FNTB: variants seen among roughly 807,000 people sequenced by gnomAD.
FNTB encodes the protein farnesyltransferase, CAAX box, subunit beta.
A neutral mutation model predicts 59.4 loss-of-function variants in FNTB; 27 were observed. The ratio of observed to expected loss-of-function variants is 0.45; its 90% CI spans 0.34 to 0.63. The LOEUF is 0.63. Ranked by LOEUF, FNTB falls within the 20% of genes least tolerant of loss-of-function variation. FNTB has a pLI of 0.02. For missense variants in FNTB, 449 were observed against 559.6 expected (o/e 0.80, Z 1.99); for synonymous variants, 230 against 220.7 (o/e 1.04, Z -0.37).
At chr14:64,993,707 C>T (rs79210754) in intron 1 of FNTB, among the ~76,000 whole-genome samples, 1 of 152,054 alleles carries the variant, frequency 6.6e-6, no homozygotes, top group Non-Finnish European at 1.5e-5. Context: ...GTGATAGTGC[C>T]TGGTATGAAA....
At chr14:65,002,858 G>T (rs754367792) in intron 1 of FNTB, among the ~76,000 whole-genome samples, 17 of 152,176 alleles carry the variant, frequency 1.1e-4, no homozygotes, top group Admixed American at 2.6e-4. Context: ...GGCAGATCCT[G>T]TTCCTTTGTG....
rs1384119164 is a variant in FNTB, at chr14:65,054,413, G to C, written c.1068-162G>C. Among the ~76,000 whole-genome samples, 1 of 151,618 alleles carries C rather than the reference G, an allele frequency of 6.6e-6. No individual in the cohort carries two copies. Among genetic ancestry groups the C allele is most frequent in the South Asian group, 2.1e-4 (1 of 4,814 alleles). On this transcript the variant is annotated intron_variant, in intron 10 of 11. Coordinates refer to ENST00000246166, the MANE Select transcript of FNTB (RefSeq NM_002028.4). The surrounding 1 kb of genome is among the most constrained non-coding windows in gnomAD (Gnocchi z 4.4). ...GTGTGAGCCACTGTGCTCAGCCAGTGGGGCTTTAAATAACACTGCTGGGAA... is the reference window on the plus strand; with the variant it reads ...GTGTGAGCCACTGTGCTCAGCCAGTCGGGCTTTAAATAACACTGCTGGGAA...
At chr14:65,040,704 CTT>C in intron 7 of FNTB, 84 bp from the exon 8 acceptor site, 1 of 1,325,456 alleles carries the variant, frequency 7.5e-7, no homozygotes, top group Non-Finnish European at 9.9e-7. Flanking sequence ...TCTGAGTGAA[CTT>C]TTTCTCTGCC....
chr14:65,000,252 T>C (rs1293369236), intron 1 of FNTB, among the ~76,000 whole-genome samples: 1 of 152,214 alleles, frequency 6.6e-6, no homozygotes, highest in Non-Finnish European at 1.5e-5. Flanking sequence ...AACAGTACAG[T>C]TGGTCTTCCA....
At chr14:65,019,087 C>CCTA (rs2061837172) in intron 4 of FNTB, among the ~76,000 whole-genome samples, 8 of 152,090 alleles carry the variant, frequency 5.3e-5, no homozygotes, top group Admixed American at 4.6e-4. Flanking sequence ...GCAGGAGACT[C>CCTA]GCTTGAACCC....
chr14:64,987,416 C>G (rs568187129), intron 1 of FNTB: 2 of 420,236 alleles, frequency 4.8e-6, no homozygotes, highest in Non-Finnish European at 8.9e-6. Context: ...GTCGGACAGC[C>G]CACTCTGTTC....
At position 65,011,283 on chromosome 14, in the gene FNTB, G is replaced by T. The variant is rs1457454830; in HGVS notation, c.210-1034G>T. ...GTCTCCACTAAAAATACAAAAATTA[G>T]CTGGGTGTGGTGGCACGTGCCTGTA... On this transcript the variant is annotated intron_variant, in intron 2 of 11. Coordinates refer to ENST00000246166, the MANE Select transcript of FNTB (RefSeq NM_002028.4). The surrounding 1 kb of genome is among the most constrained non-coding windows in gnomAD (Gnocchi z 4.0). 6.6e-6 allele frequency among the ~76,000 whole-genome samples: 1 copy of T among 152,156 alleles called. No individual in the cohort carries two copies. Among genetic ancestry groups the T allele is most frequent in the African/African-American group, 2.4e-5 (1 of 41,424 alleles).
At chr14:64,988,952 C>G (rs1028011663) in intron 1 of FNTB, among the ~76,000 whole-genome samples, 3 of 151,944 alleles carry the variant, frequency 2.0e-5, no homozygotes, top group Non-Finnish European at 4.4e-5. Context: ...TAAATGCTCT[C>G]CATATGTGGT....
chr14:65,012,194 T>A lies in FNTB; in HGVS notation c.210-123T>A. The A allele has an allele frequency of 1.7e-6, 2 of 1,179,418 alleles. No homozygotes were observed. Among genetic ancestry groups the A allele is most frequent in the Admixed American group, 2.0e-5 (1 of 48,828 alleles). The allele number at this position is 1,179,418 out of a possible 1,614,324, so 73.1% of individuals were successfully genotyped here. ...ACCAGAGAAGTTGCTGGTTATCCAG[T>A]CAGTGATTGCAGGGGGACGTCCTGA... On this transcript the variant is annotated intron_variant, in intron 2 of 11. Transcript: ENST00000246166. This position sits in a 1 kb window ranked among gnomAD's most constrained non-coding sequence, Gnocchi z 5.0.
chr14:65,054,652 T>C lies in FNTB; in HGVS notation c.1145T>C (p.Leu382Ser). 6.2e-7 allele frequency: 1 copy of C among 1,613,488 alleles called. No homozygotes were observed. Among genetic ancestry groups the C allele is most frequent in the Non-Finnish European group, 8.5e-7 (1 of 1,179,746 alleles). Reference protein sequence around the residue: ...IAQHFGSGAMLHDVVLGVPEN... With the variant: ...IAQHFGSGAMSHDVVLGVPEN... ...CAGCACTTCGGCAGCGGAGCCATGT[T>C]GCATGATGTGGTCCTGGGTGTGCCC... Residue 382 changes from leucine to serine, a missense_variant, in exon 11 of 12, where the codon TTG (leucine) becomes TCG (serine). Leu to Ser is a moderately radical substitution (Grantham distance 145). Around this residue, in one of 2 missense-constraint regions of FNTB, gnomAD observed 337 missense variants for 479.1 expected, o/e 0.70. Transcript: ENST00000246166. This position sits in a 1 kb window ranked among gnomAD's most constrained non-coding sequence, Gnocchi z 4.4.
At chr14:65,034,169 G>A (rs1283886447) in intron 7 of FNTB, among the ~76,000 whole-genome samples, 1 of 152,104 alleles carries the variant, frequency 6.6e-6, no homozygotes, top group South Asian at 2.1e-4. Context: ...CTGTGCACAC[G>A]TGCGTTTTGA....
intron 4 of FNTB, among the ~76,000 whole-genome samples, chr14:65,020,506 A>T (rs1595036870): frequency 6.6e-6 from 1 of 151,540 alleles, no homozygotes; most frequent in Non-Finnish European, 1.5e-5. Context: ...GCTCACTGCA[A>T]CCTCCACCTC....
At chr14:65,034,583 A>C (rs1372989354) in intron 7 of FNTB, among the ~76,000 whole-genome samples, 1 of 152,202 alleles carries the variant, frequency 6.6e-6, no homozygotes, top group African/African-American at 2.4e-5. Context: ...GAGGACTGTC[A>C]TGCTCAATGG....
intron 10 of FNTB, among the ~76,000 whole-genome samples, chr14:65,053,625 T>TAAAAAAAAAAAAAAA (rs201558638): frequency 2.5e-4 from 37 of 146,258 alleles, no homozygotes; most frequent in Admixed American, 6.7e-4. Flanking sequence ...CTTCTTTTTT[T>TAAAAAAAAAAAAAAA]TAAAAAAAAC....
At chr14:65,060,573 G>T (rs1322391821) in intron 11 of FNTB, among the ~76,000 whole-genome samples, 2 of 125,940 alleles carry the variant, frequency 1.6e-5, no homozygotes, top group East Asian at 2.3e-4. Flanking sequence ...GCGGGCGCCT[G>T]TAGTCCCAGC....
At position 65,027,841 on chromosome 14, in the gene FNTB, G is replaced by A; in HGVS notation, c.605+60G>A. On this transcript the variant is annotated intron_variant, in intron 6 of 11. Coordinates refer to ENST00000246166, the MANE Select transcript of FNTB (RefSeq NM_002028.4). The surrounding 1 kb of genome is among the most constrained non-coding windows in gnomAD (Gnocchi z 5.7). The stretch of plus-strand genomic sequence containing the variant: ...TGACTCTAGAGCTCATCTGCCATTA[G>A]AGATGCCAAGCCTAAGGAACATCAT... 1 of 1,606,240 alleles carries A rather than the reference G, an allele frequency of 6.2e-7. No individual in the cohort carries two copies. The highest frequency in any genetic ancestry group is 8.5e-7 in the Non-Finnish European group (1 of 1,175,062).
In FNTB at chr14:64,987,261, C is replaced by A. The variant is rs1887984499; in HGVS notation, c.144+164C>A. On this transcript the variant is annotated intron_variant, in intron 1 of 11. Coordinates refer to ENST00000246166, the MANE Select transcript of FNTB (RefSeq NM_002028.4). ...GCTCCGGGCGCCCAGGCTTGGGCTT[C>A]GTCGTGGAGCGTTTGCGCGGCCAGC... The A allele has an allele frequency of 8.8e-5, 68 of 774,658 alleles. No homozygotes were observed. In the South Asian group the frequency reaches 1.2e-3, roughly 14 times the overall value. 48.0% of individuals were successfully genotyped at this position (774,658 alleles called of 1,614,324 possible). A position where few individuals can be genotyped will look rare whatever the true frequency, so the allele number is the denominator to read the frequency against.
intron 2 of FNTB, among the ~76,000 whole-genome samples, chr14:65,008,581 C>T (rs762756985): frequency 3.3e-5 from 5 of 152,202 alleles, no homozygotes; most frequent in Non-Finnish European, 7.3e-5. Context: ...AGGCTTCTTA[C>T]AGAAAGTGAC....
In FNTB at chr14:65,004,231, C is replaced by T. The variant is rs776925757; in HGVS notation, c.145-18C>T. 6 of 1,612,030 alleles carry T rather than the reference C, an allele frequency of 3.7e-6. No individual in the cohort carries two copies. Among genetic ancestry groups the T allele is most frequent in the Non-Finnish European group, 5.1e-6 (6 of 1,179,082 alleles). On this transcript the variant is annotated intron_variant, in intron 1 of 11. Coordinates refer to ENST00000246166, the MANE Select transcript of FNTB (RefSeq NM_002028.4). ...TCTGTATTTGTTTTCTCTCTCCTAT[C>T]TCCTGCATCCTTACCAGGCAAAAGT... is the stretch of plus-strand genomic sequence containing the variant.
Sources: allele counts gnomAD v4.1 joint callset (sites outside exome capture counted in the v4.1 genomes callset), GRCh38; gene constraint gnomAD v4.1.1; regional missense constraint gnomAD v4.1.1; non-coding constraint Gnocchi (gnomAD v3.1); transcripts MANE v1.5; gene names NCBI Gene and HGNC (gene_info 2026-07-23, HGNC 2026-07-21).